Variants in SCNN1D observed in about 807,000 individuals in gnomAD.
SCNN1D encodes epithelial sodium channel subunit delta.
Under a neutral mutation model 87.8 loss-of-function variants are expected in SCNN1D, and 104 were observed. That is an observed-to-expected ratio of 1.18 (90% CI 1.01 to 1.39). The LOEUF is 1.39. Ranked by LOEUF, SCNN1D falls within the 40% of genes most tolerant of loss-of-function variation. SCNN1D has a pLI of 0.00. For synonymous variants in SCNN1D, 628 were observed against 481.2 expected (o/e 1.31, Z -3.99); for missense variants, 1,324 against 1,093.9 (o/e 1.21, Z -2.97).
rs1640636610 is a variant in SCNN1D, at chr1:1,287,851, G to A, written c.1563+15G>A. On this transcript the variant is annotated intron_variant, in intron 11 of 17. Transcript: ENST00000379116. ...GCATCCGAGAGGTGAGCTGGCCTCT[G>A]CAGCCAACCTCCGGCCCAGGCCTCC... 2.6e-6 allele frequency: 4 copies of A among 1,527,172 alleles called. No homozygotes were observed. Among genetic ancestry groups the A allele is most frequent in the Admixed American group, 2.0e-5 (1 of 50,104 alleles). The allele number at this position is 1,527,172 out of a possible 1,614,324, so 94.6% of individuals were successfully genotyped here.
intron 12 of SCNN1D, among the ~76,000 whole-genome samples, chr1:1,288,274 CCCCCGAGTCTCTGCTCCGTCCCGTGTCT>C: frequency 1.7e-5 from 1 of 58,884 alleles, no homozygotes; most frequent in Middle Eastern, 7.4e-3. Context: ...TCTGCTCCGT[CCCCCGAGTCTCTGCTCCGTCCCGTGTCT>C]GCTCCGTCCC....
At chr1:1,287,425 C>T in intron 9 of SCNN1D, 83 bp from the exon 10 acceptor site, 1 of 1,487,522 alleles carries the variant, frequency 6.7e-7, no homozygotes, top group Non-Finnish European at 9.0e-7. Flanking sequence ...TCCGCAGACA[C>T]AGGGCAGGCC....
chr1:1,290,017 G>A (rs1458054625), intron 12 of SCNN1D, among the ~76,000 whole-genome samples: 2 of 54,796 alleles, frequency 3.6e-5, no homozygotes, highest in Non-Finnish European at 5.1e-5. Flanking sequence ...TCCCTGCTCC[G>A]TCCCGTGTCT....
chr1:1,287,456 G>A, intron 9 of SCNN1D, 52 bp from the exon 10 acceptor site: 1 of 1,503,342 alleles, frequency 6.7e-7, no homozygotes, highest in South Asian at 1.3e-5. Context: ...AGGCCAGCGT[G>A]ACGGGCGCGG....
chr1:1,287,493 G>A lies in SCNN1D; in HGVS notation c.1311-15G>A. 1 of 1,517,434 alleles carries A rather than the reference G, an allele frequency of 6.6e-7. No homozygotes were observed. Among genetic ancestry groups the A allele is most frequent in the Non-Finnish European group, 8.8e-7 (1 of 1,131,434 alleles). 94.0% of individuals were successfully genotyped at this position (1,517,434 alleles called of 1,614,324 possible). On this transcript the variant is annotated splice_polypyrimidine_tract_variant and intron_variant, in intron 9 of 17. Coordinates refer to ENST00000379116, the MANE Select transcript of SCNN1D (RefSeq NM_001130413.4). ...CAGCCGACATTCAAGGTCTGAGCTT[G>A]GCTTCTCATTCCAGACAGTTCCGGA...
chr1:1,286,061 A>C lies in SCNN1D; in HGVS notation c.694A>C (p.Thr232Pro), dbSNP rs1317385741. 6.3e-7 allele frequency: 1 copy of C among 1,593,380 alleles called. No homozygotes were observed. Among genetic ancestry groups the C allele is most frequent in the African/African-American group, 1.3e-5 (1 of 74,636 alleles). The change falls in exon 7 of 18, where the codon ACC becomes CCC. Residue 232 changes from threonine (T) to proline (P), a missense_variant. Coordinates refer to ENST00000379116, the MANE Select transcript of SCNN1D (RefSeq NM_001130413.4). Reference protein sequence around the residue: ...ELLTFFCTNATIHGAIRLVCS... With the variant: ...ELLTFFCTNAPIHGAIRLVCS... ...GCTCACCTTCTTCTGCACCAATGCC[A>C]CCATCCACGGCGCCATCCGCCTGGT...
At chr1:1,281,119 C>T (rs1305569691) in intron 1 of SCNN1D, 107 bp from the exon 2 acceptor site, 2 of 1,083,794 alleles carry the variant, frequency 1.8e-6, no homozygotes, top group East Asian at 5.2e-5. Context: ...AGGGCTGACT[C>T]AGAGTGACCC....
rs201290347 is a variant in SCNN1D at position 1,291,498 on chromosome 1, C to G, written c.2297C>G (p.Pro766Arg). The change falls in exon 18 of 18, where the codon CCG (proline) becomes CGG (arginine). Residue 766 changes from proline (P) to arginine (R), a missense_variant. Coordinates refer to ENST00000379116, the MANE Select transcript of SCNN1D (RefSeq NM_001130413.4). ...CCTGCAGGCGGCACGTCAGATGACC[C>G]GGAGCCCAGCGGGCCTCATCTCCCA... ...PPPAGGTSDD[P>R]EPSGPHLPRV... 1 of 1,608,958 alleles carries G rather than the reference C, an allele frequency of 6.2e-7. No individual in the cohort carries two copies. The highest frequency in any genetic ancestry group is 8.5e-7 in the Non-Finnish European group (1 of 1,177,668).
At chr1:1,283,483 G>A (rs1319557936) in intron 4 of SCNN1D, among the ~76,000 whole-genome samples, 2 of 152,254 alleles carry the variant, frequency 1.3e-5, no homozygotes, top group Middle Eastern at 3.4e-3. Context: ...CGGATCACCT[G>A]AGGTTGGGAG....
At chr1:1,282,724 G>A (rs1215502135) in intron 4 of SCNN1D, among the ~76,000 whole-genome samples, 1 of 151,974 alleles carries the variant, frequency 6.6e-6, no homozygotes, top group Non-Finnish European at 1.5e-5. Flanking sequence ...GTCTTAGCAT[G>A]TGTGGGGTCT....
Position 1,283,989 on chromosome 1 carries a change from C to T in SCNN1D, c.363C>T (p.Gly121=). ...ASFQSRQEAR[G]SILLQSCQLP... is the part of the protein sequence containing the mutation. ...CCTGTTTTAAATAGGAGGCCAGAGG[C>T]TCCATCCTGCTTCAGAGCTGCCAGC... The change falls in exon 5 of 18, where the codon GGC becomes GGT. Residue 121 remains glycine, a synonymous_variant. Coordinates refer to ENST00000379116, the MANE Select transcript of SCNN1D (RefSeq NM_001130413.4). 1 of 1,455,538 alleles carries T rather than the reference C, an allele frequency of 6.9e-7. No individual in the cohort carries two copies. Among genetic ancestry groups the T allele is most frequent in the Admixed American group, 2.9e-5 (1 of 34,852 alleles). The allele number at this position is 1,455,538 out of a possible 1,614,324, so 90.2% of individuals were successfully genotyped here. A position where few individuals can be genotyped will look rare whatever the true frequency, so the allele number is the denominator to read the frequency against.
chr1:1,288,806 T>C (rs866487801), intron 12 of SCNN1D, among the ~76,000 whole-genome samples: 14 of 130 alleles, frequency 0.11, 4 homozygotes, highest in Non-Finnish European at 0.1. Flanking sequence ...CGTGTCCCTG[T>C]TCCGTCCCCC....
At position 1,284,950 on chromosome 1, in the gene SCNN1D, G is replaced by A. The variant is rs545953442; in HGVS notation, c.465-621G>A. Among the ~76,000 whole-genome samples the A allele has an allele frequency of 1.5e-4, 23 of 152,316 alleles. No individual in the cohort carries two copies. In the East Asian group the frequency reaches 4.2e-3, roughly 28 times the overall value. ...TGCTGGCCTGGCAGCCCCCACTAGG[G>A]GGATGGTGCTGCCCTGTCTATGCGC... On this transcript the variant is annotated intron_variant, in intron 5 of 17. Transcript: ENST00000379116.
At chr1:1,287,885 C>A (rs1640637592) in intron 11 of SCNN1D, 49 bp downstream of exon 11, 1 of 1,518,482 alleles carries the variant, frequency 6.6e-7, no homozygotes, top group Non-Finnish European at 8.9e-7. Context: ...CCTGCCCAAC[C>A]TGGGCTTTGG....
chr1:1,291,155 C>T lies in SCNN1D; in HGVS notation c.2052+15C>T. ...CCGTGTACTCGGTGAGCCTTGGCCC[C>T]CTGCCTGGGCTAGAGCGGGGGCAGC... On this transcript the variant is annotated intron_variant, in intron 17 of 17. Coordinates refer to ENST00000379116, the MANE Select transcript of SCNN1D (RefSeq NM_001130413.4). 2 of 1,609,960 alleles carry T rather than the reference C, an allele frequency of 1.2e-6. No individual in the cohort carries two copies. Among genetic ancestry groups the T allele is most frequent in the Non-Finnish European group, 8.5e-7 (1 of 1,178,674 alleles).
chr1:1,284,476 A>G (rs1344775091), intron 5 of SCNN1D, among the ~76,000 whole-genome samples: 1 of 151,542 alleles, frequency 6.6e-6, no homozygotes, highest in Non-Finnish European at 1.5e-5. Flanking sequence ...TATCCTGAAG[A>G]AGGCTGTGTC....
At chr1:1,290,736 G>A (rs769716236) in intron 15 of SCNN1D, 42 bp downstream of exon 15, 4 of 1,608,672 alleles carry the variant, frequency 2.5e-6, no homozygotes, top group South Asian at 1.1e-5. Flanking sequence ...GGACAGCCAG[G>A]CAGACCCCAC....
intron 15 of SCNN1D, 63 bp from the exon 16 acceptor site, chr1:1,290,832 G>T: frequency 1.3e-6 from 2 of 1,592,302 alleles, no homozygotes; most frequent in Non-Finnish European, 1.7e-6. Flanking sequence ...ACATCCGCCC[G>T]TGGTACCCAG....
chr1:1,288,361 T>TCCGTCCCGTGTCTCTGCC lies in SCNN1D; in HGVS notation c.1662+336_1662+337insTCTGCCCCGTCCCGTGTC, dbSNP rs1640675195. On this transcript the variant is annotated intron_variant, in intron 12 of 17. Transcript: ENST00000379116. ...TCTGCCCCGTCCCCCGTGTCTCTGC[T>TCCGTCCCGTGTCTCTGCC]CCGTCCCGTGTCCCTGCTCCGTCCC... Among the ~76,000 whole-genome samples, 2 of 26,508 alleles carry TCCGTCCCGTGTCTCTGCC rather than the reference T, an allele frequency of 7.5e-5. 1 individual carries two copies. The highest frequency in any genetic ancestry group is 1.1e-4 in the Non-Finnish European group (2 of 18,306). 17.4% of individuals were successfully genotyped at this position (26,508 alleles called of 152,430 possible).
Sources: allele counts gnomAD v4.1 joint callset (sites outside exome capture counted in the v4.1 genomes callset), GRCh38; gene constraint gnomAD v4.1.1; transcripts MANE v1.5; gene names NCBI Gene and HGNC (gene_info 2026-07-23, HGNC 2026-07-21).